PRODH2: variants seen among roughly 807,000 people sequenced by gnomAD.
The protein encoded by PRODH2 is hydroxyproline dehydrogenase.
In PRODH2, 49 loss-of-function variants were observed where a neutral mutation model predicts 51.9. That is an observed-to-expected ratio of 0.94 (90% CI 0.75 to 1.20). The LOEUF is 1.20. PRODH2 is among the 50% of genes most tolerant of loss of function. The pLI, the probability that PRODH2 is intolerant of heterozygous loss-of-function variation, is 0.00. For synonymous variants in PRODH2, 249 were observed against 260.7 expected (o/e 0.96, Z 0.43); for missense variants, 597 against 610.9 (o/e 0.98, Z 0.24).
chr19:35,805,428 G>A (rs571640914), intron 7 of PRODH2, among the ~76,000 whole-genome samples: 64 of 152,018 alleles, frequency 4.2e-4, no homozygotes, highest in South Asian at 1.9e-3. Flanking sequence ...CACCACACCC[G>A]GCTAATTTTT....
chr19:35,811,708 G>A (rs903232927), intron 4 of PRODH2, among the ~76,000 whole-genome samples: 3 of 152,116 alleles, frequency 2.0e-5, no homozygotes, highest in Admixed American at 2.0e-4. Context: ...ACACACTGAT[G>A]TACCTCCTTC....
chr19:35,806,899 A>G (rs1225570688), intron 5 of PRODH2, 69 bp from the exon 6 acceptor site: 2 of 1,550,888 alleles, frequency 1.3e-6, no homozygotes, highest in East Asian at 2.4e-5. Flanking sequence ...AGATCCCAGC[A>G]GGAGGGGTTA....
At chr19:35,805,694 A>G (rs2146782496) in intron 7 of PRODH2, among the ~76,000 whole-genome samples, 1 of 152,284 alleles carries the variant, frequency 6.6e-6, no homozygotes, top group South Asian at 2.1e-4. Flanking sequence ...ACAGGTGCAC[A>G]CCACTGTGCC....
intron 4 of PRODH2, 114 bp from the exon 5 acceptor site, chr19:35,807,235 T>A: frequency 9.9e-7 from 1 of 1,009,892 alleles, no homozygotes; most frequent in Non-Finnish European, 1.5e-6. Flanking sequence ...GAATCAGGGC[T>A]CGAATCCAGG....
intron 4 of PRODH2, among the ~76,000 whole-genome samples, chr19:35,807,578 C>T (rs1208820641): frequency 6.6e-6 from 1 of 151,766 alleles, no homozygotes; most frequent in African/African-American, 2.4e-5. Flanking sequence ...GCTGGGATTA[C>T]AGGTGTGAGC....
In PRODH2 at chr19:35,802,220, C is replaced by G; in HGVS notation, c.1169G>C (p.Gly390Ala). 6.2e-7 allele frequency: 1 copy of G among 1,614,064 alleles called. No individual in the cohort carries two copies. Among genetic ancestry groups the G allele is most frequent in the Non-Finnish European group, 8.5e-7 (1 of 1,180,026 alleles). ...TGCTAGAGAGACGTGGTCACACATG[C>G]CCAGAAGTTGTCCGAAACAGACAGT... ...DGTVCFGQLL[G>A]MCDHVSLALG... Residue 390 changes from glycine (G) to alanine (A), a missense_variant, in exon 9 of 10, where the codon GGC becomes GCC. Transcript: ENST00000653904.
intron 4 of PRODH2, among the ~76,000 whole-genome samples, chr19:35,809,174 C>T (rs1157254673): frequency 1.3e-5 from 2 of 151,420 alleles, no homozygotes; most frequent in Non-Finnish European, 2.9e-5. Flanking sequence ...TCTTTCTTCG[C>T]TCTCAAACTT....
chr19:35,812,362 A>C lies in PRODH2; in HGVS notation c.369T>G (p.Ser123Arg), dbSNP rs1433454610. The change falls in exon 2 of 10, where the codon AGT (serine) becomes AGG (arginine). Residue 123 changes from serine to arginine, a missense_variant and splice_region_variant. Transcript: ENST00000653904. The stretch of plus-strand genomic sequence containing the variant: ...CTGGGCCCTGGCTCCCTACTCACCC[A>C]CTCTTGGCAGCAGAGTCCGGCTCCT... Reference protein sequence around the residue: ...TEEEPDSAAKSGEAWYEGNLG... With the variant: ...TEEEPDSAAKRGEAWYEGNLG... 6.2e-7 allele frequency: 1 copy of C among 1,610,960 alleles called. No homozygotes were observed. The highest frequency in any genetic ancestry group is 1.1e-5 in the South Asian group (1 of 90,926).
Position 35,806,596 on chromosome 19 carries a change from C to T in PRODH2, c.835G>A (p.Asp279Asn), listed in dbSNP as rs1399598052. The T allele has an allele frequency of 1.2e-6, 2 of 1,614,030 alleles. No individual in the cohort carries two copies. The part of the protein sequence containing the change: ...VWNTYQACLK[D>N]TFERLGRDAE... ...TCCCTCCCCAGCCGCTCGAATGTGTCCTATAGGGCACGCAGGCAGGTTCTG... is the reference window on the plus strand; with the variant it reads ...TCCCTCCCCAGCCGCTCGAATGTGTTCTATAGGGCACGCAGGCAGGTTCTG... The change falls in exon 7 of 10, where the codon GAC (aspartate) becomes AAC (asparagine). Residue 279 changes from aspartate (D) to asparagine (N), a missense_variant and splice_region_variant. Physicochemically the swap from Asp to Asn is conservative, Grantham distance 23. Coordinates refer to ENST00000653904, the MANE Select transcript of PRODH2 (RefSeq NM_021232.2).
At chr19:35,803,111 T>A in intron 7 of PRODH2, 33 bp from the exon 8 acceptor site, 1 of 1,463,852 alleles carries the variant, frequency 6.8e-7, no homozygotes, top group South Asian at 1.4e-5. Flanking sequence ...GCTCACCTGG[T>A]GAGCGAGGGT....
intron 4 of PRODH2, among the ~76,000 whole-genome samples, chr19:35,807,495 G>A (rs367792884): frequency 6.6e-6 from 1 of 152,002 alleles, no homozygotes; most frequent in Non-Finnish European, 1.5e-5. Context: ...TAGAGACAGG[G>A]TTTAACCATG....
rs1972475421 is a variant in PRODH2 at position 35,804,245 on chromosome 19, T to C, written c.1002-1167A>G. 2.0e-5 allele frequency among the ~76,000 whole-genome samples: 3 copies of C among 152,180 alleles called. No homozygotes were observed. The South Asian group carries it at 6.2e-4, about 32-fold the overall frequency. On this transcript the variant is annotated intron_variant, in intron 7 of 9. Transcript: ENST00000653904. ...CTCTGTTGCCCAGGTTGGAGTGCAG[T>C]GGCGTGATCTCGGCTCACGGAATCC...
intron 9 of PRODH2, chr19:35,801,800 G>C: frequency 4.9e-6 from 1 of 202,796 alleles, no homozygotes; most frequent in East Asian, 1.1e-4. Flanking sequence ...GCGAAGTTGG[G>C]GCTATGGGTT....
intron 4 of PRODH2, among the ~76,000 whole-genome samples, chr19:35,811,501 G>A (rs1972609974): frequency 6.6e-6 from 1 of 150,678 alleles, no homozygotes; most frequent in Non-Finnish European, 1.5e-5. Context: ...AGAAAAGAAG[G>A]AAGGAAGGAG....
At chr19:35,809,030 C>T (rs755048571) in intron 4 of PRODH2, among the ~76,000 whole-genome samples, 2 of 151,406 alleles carry the variant, frequency 1.3e-5, no homozygotes, top group African/African-American at 2.4e-5. Context: ...TCCAGCCCCA[C>T]TTAGCCTCCC....
Position 35,800,218 on chromosome 19 carries a change from C to T in PRODH2, c.1203G>A (p.Gln401=). The change falls in exon 10 of 10, where the codon CAG becomes CAA. Residue 401 remains glutamine (Q), a synonymous_variant. Transcript: ENST00000653904. Reference sequence around the variant, plus strand: ...TGGACTTATACACTACATAGCCGGCCTGCCCTGCAGGGAGAGTGGGTTTTG... The same window carrying T: ...TGGACTTATACACTACATAGCCGGCTTGCCCTGCAGGGAGAGTGGGTTTTG... The part of the protein sequence containing the change: ...MCDHVSLALG[Q]AGYVVYKSIP... The T allele has an allele frequency of 6.4e-7, 1 of 1,571,788 alleles. No individual in the cohort carries two copies. The highest frequency in any genetic ancestry group is 1.2e-5 in the South Asian group (1 of 85,830).
chr19:35,812,719 G>T lies in PRODH2; in HGVS notation c.87C>A (p.Phe29Leu). 6.2e-7 allele frequency: 1 copy of T among 1,611,752 alleles called. No individual in the cohort carries two copies. ...TCAGCTCTCCTGTGCCCTTAAGGTG[G>T]AAGGCCCCGCCATCAAAGCTCAGGG... ...WQSLSFDGGA[F>L]HLKGTGELTR... Residue 29 changes from phenylalanine to leucine, a missense_variant, in exon 1 of 10, where the codon TTC becomes TTA. Phe to Leu is a conservative substitution (Grantham distance 22). Transcript: ENST00000653904.
chr19:35,803,021 G>A lies in PRODH2; in HGVS notation c.1059C>T (p.Cys353=). The change falls in exon 8 of 10, where the codon TGC becomes TGT. Residue 353 remains cysteine, a synonymous_variant. Transcript: ENST00000653904. ...CATTGTGGGAAGCCACCATGAGGTG[G>A]CACATGGGGCCATGGCGGGCCACGT... is the stretch of plus-strand genomic sequence containing the variant. ...LTHVARHGPM[C]HLMVASHNEE... 6.3e-7 allele frequency: 1 copy of A among 1,576,712 alleles called. No individual in the cohort carries two copies. Among genetic ancestry groups the A allele is most frequent in the East Asian group, 2.3e-5 (1 of 43,592 alleles).
rs79583754 is a variant in PRODH2 at position 35,805,712 on chromosome 19, G to C, written c.1001+718C>G. Among the ~76,000 whole-genome samples the C allele has an allele frequency of 2.6e-5, 4 of 152,322 alleles. No individual in the cohort carries two copies. In the East Asian group the frequency reaches 7.7e-4, roughly 29 times the overall value. ...GGTGCACACCACTGTGCCTGGCTTG[G>C]TGCCAGTTAAGCTGATGGTACACAA... On this transcript the variant is annotated intron_variant, in intron 7 of 9. Transcript: ENST00000653904.
Sources: allele counts gnomAD v4.1 joint callset (sites outside exome capture counted in the v4.1 genomes callset), GRCh38; gene constraint gnomAD v4.1.1; transcripts MANE v1.5; gene names NCBI Gene and HGNC (gene_info 2026-07-23, HGNC 2026-07-21).